Variants in IPO11 observed in about 807,000 individuals in gnomAD.
The protein encoded by IPO11 is importin-11.
In IPO11, 66 loss-of-function variants were observed where a neutral mutation model predicts 143.2. The ratio of observed to expected loss-of-function variants is 0.46; its 90% confidence interval spans 0.38 to 0.57. The LOEUF is 0.57. Among genes scored for constraint, IPO11 ranks in the 20% least tolerant of loss-of-function variants. IPO11 has a pLI of 0.00. For missense variants in IPO11, 1,026 were observed against 1,141.0 expected, an observed-to-expected ratio of 0.90 and a Z score of 1.45; for synonymous variants, 385 against 377.8, an observed-to-expected ratio of 1.02 and a Z score of -0.22.
At chr5:62,489,396 T>C (rs1746525099) in intron 14 of IPO11, 47 bp downstream of exon 14, 7 of 1,321,038 alleles carry the variant, frequency 5.3e-6, no homozygotes, top group South Asian at 1.4e-5. Context: ...ATTCAGTAGA[T>C]GGAGAGTCTG....
chr5:62,596,914 G>C (rs1386748779), intron 28 of IPO11, among the ~76,000 whole-genome samples: 1 of 152,124 alleles, frequency 6.6e-6, no homozygotes, highest in South Asian at 2.1e-4. Context: ...TACACTTATG[G>C]CTTGACTAAT....
At chr5:62,469,752 A>G (rs1202070546) in intron 6 of IPO11, among the ~76,000 whole-genome samples, 2 of 152,158 alleles carry the variant, frequency 1.3e-5, no homozygotes, top group Non-Finnish European at 2.9e-5. Flanking sequence ...CTCTGTGTAC[A>G]CTAGTTTGTC....
At chr5:62,503,041 T>C (rs974603955) in intron 16 of IPO11, among the ~76,000 whole-genome samples, 1 of 152,050 alleles carries the variant, frequency 6.6e-6, no homozygotes, top group African/African-American at 2.4e-5. Context: ...GCCAGTCTGG[T>C]CTCGAACTCC....
intron 29 of IPO11, among the ~76,000 whole-genome samples, chr5:62,621,652 A>T (rs902506392): frequency 4.6e-5 from 7 of 152,218 alleles, no homozygotes; most frequent in Non-Finnish European, 1.0e-4. Context: ...AAGAAGATCA[A>T]CAGATCAACT....
At position 62,513,545 on chromosome 5, in the gene IPO11, G is replaced by A. The variant is rs1168734243; in HGVS notation, c.1783-1843G>A. ...GGCGGCTGGCCGGGCGGGGGGCTGA[G>A]CCCCCCACCTCCCTCCCGGACGGGG... On this transcript the variant is annotated intron_variant, in intron 19 of 29. Coordinates refer to ENST00000325324, the MANE Select transcript of IPO11 (RefSeq NM_016338.5). Among the ~76,000 whole-genome samples, 9 of 109,362 alleles carry A rather than the reference G, an allele frequency of 8.2e-5. No homozygotes were observed. The East Asian group carries it at 2.4e-3, about 29-fold the overall frequency. 71.7% of individuals were successfully genotyped at this position (109,362 alleles called of 152,430 possible).
At chr5:62,446,018 G>A (rs1383633218) in intron 3 of IPO11, among the ~76,000 whole-genome samples, 1 of 152,180 alleles carries the variant, frequency 6.6e-6, no homozygotes, top group African/African-American at 2.4e-5. Flanking sequence ...GGGTTTGATA[G>A]TAGAAGGGAA....
chr5:62,434,734 A>G (rs1744111447), intron 1 of IPO11, among the ~76,000 whole-genome samples: 1 of 152,076 alleles, frequency 6.6e-6, no homozygotes, highest in Non-Finnish European at 1.5e-5. Flanking sequence ...TGAGTCAAAT[A>G]CACTATTAGG....
At chr5:62,500,100 CATG>C (rs1741298237) in intron 16 of IPO11, among the ~76,000 whole-genome samples, 2 of 152,192 alleles carry the variant, frequency 1.3e-5, no homozygotes, top group Admixed American at 6.5e-5. Context: ...GTTTGGGCAA[CATG>C]ATGAAACCCT....
intron 29 of IPO11, among the ~76,000 whole-genome samples, chr5:62,603,452 CAAT>C (rs34719848): frequency 0.6 from 91,588 of 151,692 alleles, 28,018 homozygotes; most frequent in South Asian, 0.68. Context: ...ATTTGTATGA[CAAT>C]AATTTGTATT....
intron 16 of IPO11, among the ~76,000 whole-genome samples, 185 bp from the exon 17 acceptor site, chr5:62,504,482 C>A (rs1741476421): frequency 6.6e-6 from 1 of 152,092 alleles, no homozygotes; most frequent in Non-Finnish European, 1.5e-5. Flanking sequence ...TGCTACTTTA[C>A]CTTTTCTTTT....
chr5:62,490,348 T>A (rs1444694903), intron 15 of IPO11, 128 bp downstream of exon 15: 1 of 513,366 alleles, frequency 1.9e-6, no homozygotes, highest in African/African-American at 2.0e-5. Flanking sequence ...TAATGTCTTA[T>A]GTGGAAAGGA....
At chr5:62,589,646 A>C (rs549542724) in intron 27 of IPO11, among the ~76,000 whole-genome samples, 4 of 152,264 alleles carry the variant, frequency 2.6e-5, no homozygotes, top group Non-Finnish European at 5.9e-5. Flanking sequence ...CCTCACCAAC[A>C]ATCATACTCC....
At chr5:62,468,295 A>G (rs151132924) in intron 6 of IPO11, among the ~76,000 whole-genome samples, 13 of 152,268 alleles carry the variant, frequency 8.5e-5, no homozygotes, top group East Asian at 7.7e-4. Context: ...AGTTTTACCT[A>G]TAAGTTCTTT....
At chr5:62,571,030 T>C (rs933818194) in intron 27 of IPO11, among the ~76,000 whole-genome samples, 1 of 152,176 alleles carries the variant, frequency 6.6e-6, no homozygotes, top group Non-Finnish European at 1.5e-5. Context: ...CCAACAAGGA[T>C]AACACTAGAA....
chr5:62,580,331 TGTTA>T (rs1744502675), intron 27 of IPO11: 3 of 1,539,254 alleles, frequency 1.9e-6, no homozygotes, highest in Non-Finnish European at 2.6e-6. Flanking sequence ...ACATTCAGTT[TGTTA>T]AAGAATTTAA....
intron 21 of IPO11, among the ~76,000 whole-genome samples, chr5:62,527,787 A>G (rs1290187343): frequency 6.6e-6 from 1 of 152,162 alleles, no homozygotes; most frequent in Non-Finnish European, 1.5e-5. Flanking sequence ...TAATTTGTTA[A>G]TAGTTGAGTT....
intron 26 of IPO11, chr5:62,560,928 C>T (rs1743748402): frequency 2.6e-6 from 1 of 384,436 alleles, no homozygotes; most frequent in Non-Finnish European, 4.7e-6. Context: ...GTCTGCTTAG[C>T]TGTCAGGATT....
At chr5:62,617,215 A>T (rs748542393) in intron 29 of IPO11, among the ~76,000 whole-genome samples, 8 of 152,252 alleles carry the variant, frequency 5.3e-5, no homozygotes, top group Non-Finnish European at 1.2e-4. Context: ...ATAAAAATGT[A>T]GACAGAAATA....
intron 29 of IPO11, among the ~76,000 whole-genome samples, chr5:62,609,317 C>G (rs1361878119): frequency 6.6e-6 from 1 of 152,214 alleles, no homozygotes; most frequent in Non-Finnish European, 1.5e-5. Context: ...TTTCACTTTG[C>G]CCTGTCCCTT....
Sources: gnomAD v4.1 joint callset for allele counts (sites outside exome capture counted in the v4.1 genomes callset) on GRCh38, gnomAD v4.1.1 for gene constraint, MANE v1.5 for transcripts, NCBI Gene and HGNC (gene_info 2026-07-23, HGNC 2026-07-21) for gene names.